ABTB1: variants seen among roughly 807,000 people sequenced by gnomAD.
ABTB1 encodes the protein ankyrin repeat and BTB domain containing 1, also known as ankyrin repeat and BTB/POZ domain-containing protein 1.
Under a neutral mutation model 57.1 loss-of-function variants are expected in ABTB1, and 45 were observed. The observed-to-expected ratio is 0.79, with a 90% CI of 0.62 to 1.01. ABTB1 has a LOEUF of 1.01. Ranked by LOEUF, ABTB1 falls within the 50% of genes least tolerant of loss-of-function variation. The pLI is 0.00. For missense variants in ABTB1, 630 were observed against 666.3 expected, an observed-to-expected ratio of 0.95 and a Z score of 0.60; for synonymous variants, 302 against 275.4, an observed-to-expected ratio of 1.10 and a Z score of -0.95.
rs1048240043 is a variant in ABTB1 at position 127,673,048 on chromosome 3, C to T, written c.23C>T (p.Ala8Val). 1 of 1,575,526 alleles carries T rather than the reference C, an allele frequency of 6.3e-7. No individual in the cohort carries two copies. The highest frequency in any genetic ancestry group is 8.6e-7 in the Non-Finnish European group (1 of 1,161,004). Residue 8 changes from alanine to valine, a missense_variant, in exon 1 of 12, where the codon GCC becomes GTC. By Grantham distance (64) the Ala-to-Val change is moderately conservative. Transcript: ENST00000232744. The stretch of plus-strand genomic sequence containing the variant: ...GCCATGGACACCAGCGACCTGTTCG[C>T]CAGCTGCAGGAAGGGGGATGTGGGC... MDTSDLF[A>V]SCRKGDVGRV...
rs1247035047 is a variant in ABTB1, at chr3:127,680,575, G to C, written c.*100G>C. On this transcript the variant is annotated 3_prime_UTR_variant, in exon 12 of 12. Coordinates refer to ENST00000232744, the MANE Select transcript of ABTB1 (RefSeq NM_172027.3). The stretch of plus-strand genomic sequence containing the variant: ...TTCTTCCTGCTCCCTGCACATTGAG[G>C]GCTTCATGGGGGGTGCGAGGGGCTC... 1 of 1,429,052 alleles carries C rather than the reference G, an allele frequency of 7.0e-7. No individual in the cohort carries two copies. Among genetic ancestry groups the C allele is most frequent in the South Asian group, 1.1e-5 (1 of 87,258 alleles). 88.5% of individuals were successfully genotyped at this position (1,429,052 alleles called of 1,614,324 possible).
chr3:127,679,736 G>T, intron 10 of ABTB1: 1 of 593,350 alleles, frequency 1.7e-6, no homozygotes, highest in Admixed American at 2.4e-5. Flanking sequence ...CCTCCCGCCT[G>T]CCCTGCCAGC....
chr3:127,679,751 T>C (rs2075079703), intron 10 of ABTB1: 1 of 599,448 alleles, frequency 1.7e-6, no homozygotes, highest in Non-Finnish European at 3.0e-6. Context: ...GCCAGCCTGC[T>C]CAGGGCATGG....
rs756391673 is a variant in ABTB1 at position 127,680,638 on chromosome 3, C to A, written c.*163C>A. On this transcript the variant is annotated 3_prime_UTR_variant, in exon 12 of 12. Transcript: ENST00000232744. ...CTTCCCTCCATGAGCCTGGAGACCCCAGGGGAGGATCCATTTGGGATGAGC... is the reference window on the plus strand; with the variant it reads ...CTTCCCTCCATGAGCCTGGAGACCCAAGGGGAGGATCCATTTGGGATGAGC... 15 of 919,366 alleles carry A rather than the reference C, an allele frequency of 1.6e-5. No homozygotes were observed. The African/African-American group carries it at 2.1e-4, about 13-fold the overall frequency. The allele number at this position is 919,366 out of a possible 1,614,324, so 57.0% of individuals were successfully genotyped here.
In ABTB1 at chr3:127,680,466, G is replaced by A. The variant is rs747394437; in HGVS notation, c.1428G>A (p.Leu476=). 6.2e-7 allele frequency: 1 copy of A among 1,600,808 alleles called. No homozygotes were observed. The highest frequency in any genetic ancestry group is 8.5e-7 in the Non-Finnish European group (1 of 1,177,186). ...AGGACCTGCTCGTGTCCATCGGTCTGGACTGTTGAGCCCCTGGCTGGGCAG... is the reference window on the plus strand; with the variant it reads ...AGGACCTGCTCGTGTCCATCGGTCTAGACTGTTGAGCCCCTGGCTGGGCAG... The part of the protein sequence containing the change: ...ALEDLLVSIG[L]DC The change falls in exon 12 of 12, where the codon CTG becomes CTA. Residue 476 remains leucine (L), a synonymous_variant. Coordinates refer to ENST00000232744, the MANE Select transcript of ABTB1 (RefSeq NM_172027.3).
In ABTB1 at chr3:127,673,100, C is replaced by G. The variant is rs757769848; in HGVS notation, c.56+19C>G. 1.3e-6 allele frequency: 2 copies of G among 1,538,274 alleles called. No homozygotes were observed. The highest frequency in any genetic ancestry group is 1.8e-6 in the Non-Finnish European group (2 of 1,142,254). ...GAGTGCGGTGAGGACCTCGCAGTCC[C>G]GGGGAGGGTGCGGGAGGTGGCCGCC... is the stretch of plus-strand genomic sequence containing the variant. On this transcript the variant is annotated intron_variant, in intron 1 of 11. Coordinates refer to ENST00000232744, the MANE Select transcript of ABTB1 (RefSeq NM_172027.3).
At position 127,677,011 on chromosome 3, in the gene ABTB1, C is replaced by T. The variant is rs1559887085; in HGVS notation, c.571C>T (p.Leu191=). The change falls in exon 7 of 12, where the codon CTG becomes TTG. Residue 191 remains leucine (L), a synonymous_variant. Transcript: ENST00000232744. ...AGAGCATGTGAGTGACTGTGAGCGCCTGGCCAAGCAATGCCAGCTGTGGGA... is the reference window on the plus strand; with the variant it reads ...AGAGCATGTGAGTGACTGTGAGCGCTTGGCCAAGCAATGCCAGCTGTGGGA... The part of the protein sequence containing the change: ...GVEHVSDCER[L]AKQCQLWDLL... 6.2e-7 allele frequency: 1 copy of T among 1,614,080 alleles called. No homozygotes were observed. The highest frequency in any genetic ancestry group is 2.2e-5 in the East Asian group (1 of 44,882).
At chr3:127,677,433 G>T in intron 8 of ABTB1, 32 bp from the exon 9 acceptor site, 1 of 1,610,866 alleles carries the variant, frequency 6.2e-7, no homozygotes, top group South Asian at 1.1e-5. Context: ...GTGAACAACT[G>T]CTCTGATGGG....
Position 127,672,968 on chromosome 3 carries a change from G to C in ABTB1, c.-58G>C. 6.6e-7 allele frequency: 1 copy of C among 1,508,830 alleles called. No individual in the cohort carries two copies. Among genetic ancestry groups the C allele is most frequent in the Non-Finnish European group, 8.9e-7 (1 of 1,123,918 alleles). 93.5% of individuals were successfully genotyped at this position (1,508,830 alleles called of 1,614,324 possible). A position where few individuals can be genotyped will look rare whatever the true frequency, so the allele number is the denominator to read the frequency against. Reference sequence around the variant, plus strand: ...GGCGGGGCTGAGCGTGTTTACATCCGCCGGGTGCGCGGCTTCGCCGCCCGA... The same window carrying C: ...GGCGGGGCTGAGCGTGTTTACATCCCCCGGGTGCGCGGCTTCGCCGCCCGA... On this transcript the variant is annotated 5_prime_UTR_variant, in exon 1 of 12. Transcript: ENST00000232744.
rs2074983528 is a variant in ABTB1, at chr3:127,676,363, G to A, written c.412G>A (p.Ala138Thr). 1.9e-6 allele frequency: 3 copies of A among 1,614,162 alleles called. No homozygotes were observed. The highest frequency in any genetic ancestry group is 2.2e-5 in the East Asian group (1 of 44,880). ...TCGCTGCGTCCTGGGTGCACGTAGT[G>A]CCTACTTTGCCAACATGCTGGACAC... Reference protein sequence around the residue: ...VHRCVLGARSAYFANMLDTKW... With the variant: ...VHRCVLGARSTYFANMLDTKW... Residue 138 changes from alanine (A) to threonine (T), a missense_variant, in exon 5 of 12, where the codon GCC (alanine) becomes ACC (threonine). Ala to Thr is a moderately conservative substitution (Grantham distance 58). This residue lies in a region of ABTB1 where 579 missense variants were observed against 585.9 expected (regional missense o/e 0.99). Coordinates refer to ENST00000232744, the MANE Select transcript of ABTB1 (RefSeq NM_172027.3). This position sits in a 1 kb window ranked among gnomAD's most constrained non-coding sequence, Gnocchi z 5.4.
At position 127,680,157 on chromosome 3, in the gene ABTB1, C is replaced by T; in HGVS notation, c.1202C>T (p.Thr401Ile). The change falls in exon 11 of 12, where the codon ACT becomes ATT. Residue 401 changes from threonine to isoleucine, a missense_variant. By Grantham distance (89) the Thr-to-Ile change is moderately conservative (BLOSUM62 -1). This residue lies in a region of ABTB1 where 579 missense variants were observed against 585.9 expected (regional missense o/e 0.99). Coordinates refer to ENST00000232744, the MANE Select transcript of ABTB1 (RefSeq NM_172027.3). The part of the protein sequence containing the change: ...FRLARLEDQC[T>I]EYMAKVIEKL... Reference sequence around the variant, plus strand: ...CTGGCGCGGCTTGAGGACCAGTGCACTGAGTACATGGCCAAGGTCATTGAG... The same window carrying T: ...CTGGCGCGGCTTGAGGACCAGTGCATTGAGTACATGGCCAAGGTCATTGAG... 6.2e-7 allele frequency: 1 copy of T among 1,613,954 alleles called. No homozygotes were observed. Among genetic ancestry groups the T allele is most frequent in the Non-Finnish European group, 8.5e-7 (1 of 1,180,030 alleles).
chr3:127,677,600 G>A (rs371056731), intron 9 of ABTB1, 37 bp downstream of exon 9: 33 of 1,613,226 alleles, frequency 2.0e-5, no homozygotes, highest in East Asian at 1.8e-4. Flanking sequence ...GCCCCAGCCC[G>A]TTGCCCTGAG....
rs2075092090 is a variant in ABTB1 at position 127,680,036 on chromosome 3, C to T, written c.1081C>T (p.Leu361=). Residue 361 remains leucine (L), a synonymous_variant, in exon 11 of 12, where the codon CTG becomes TTG. Coordinates refer to ENST00000232744, the MANE Select transcript of ABTB1 (RefSeq NM_172027.3). ...DVLSVADMYL[L]PGLKRLCGRS... ...GCTGAGCGTCGCCGACATGTACCTG[C>T]TGCCAGGCCTGAAGAGGCTGTGCGG... is the stretch of plus-strand genomic sequence containing the variant. 1 of 1,613,692 alleles carries T rather than the reference C, an allele frequency of 6.2e-7. No individual in the cohort carries two copies. Among genetic ancestry groups the T allele is most frequent in the African/African-American group, 1.3e-5 (1 of 74,956 alleles).
rs759031570 is a variant in ABTB1, at chr3:127,676,071, G to T, written c.277G>T (p.Ala93Ser). ...RALRDYKQVT[A>S]SCRRRDYYDD... ...TCTACGCGATTACAAGCAGGTCACG[G>T]CTTCCTGCAGGAGGCGGGATTACTA... Residue 93 changes from alanine (A) to serine (S), a missense_variant, in exon 4 of 12, where the codon GCT (alanine) becomes TCT (serine). This residue lies in a region of ABTB1 where 579 missense variants were observed against 585.9 expected (regional missense o/e 0.99). Transcript: ENST00000232744. This position sits in a 1 kb window ranked among gnomAD's most constrained non-coding sequence, Gnocchi z 5.4. 6.2e-7 allele frequency: 1 copy of T among 1,613,342 alleles called. No homozygotes were observed. The highest frequency in any genetic ancestry group is 1.7e-5 in the Admixed American group (1 of 60,020).
chr3:127,677,346 C>T (rs1453642304), intron 8 of ABTB1, 60 bp downstream of exon 8: 33 of 1,559,780 alleles, frequency 2.1e-5, no homozygotes, highest in Non-Finnish European at 2.9e-5. Context: ...TGACAGGCAG[C>T]CCAGATACTT....
rs772062098 is a variant in ABTB1 at position 127,680,656 on chromosome 3, G to C, written c.*181G>C. On this transcript the variant is annotated 3_prime_UTR_variant, in exon 12 of 12. Coordinates refer to ENST00000232744, the MANE Select transcript of ABTB1 (RefSeq NM_172027.3). ...GAGACCCCAGGGGAGGATCCATTTGGGATGAGCCCCCTCCCCCCAATGCAC... is the reference window on the plus strand; with the variant it reads ...GAGACCCCAGGGGAGGATCCATTTGCGATGAGCCCCCTCCCCCCAATGCAC... The C allele has an allele frequency of 1.2e-6, 1 of 818,250 alleles. No homozygotes were observed. Among genetic ancestry groups the C allele is most frequent in the Non-Finnish European group, 2.0e-6 (1 of 488,290 alleles). The allele number at this position is 818,250 out of a possible 1,614,324, so 50.7% of individuals were successfully genotyped here. A position where few individuals can be genotyped will look rare whatever the true frequency, so the allele number is the denominator to read the frequency against.
In ABTB1 at chr3:127,677,696, T is replaced by C. The variant is rs1282784436; in HGVS notation, c.882T>C (p.Ser294=). ...LCHKAFFCGR[S]DYFRALLDDH... ...CCCAGGCCTTTTTCTGTGGCCGCAG[T>C]GACTACTTCCGAGCCCTGCTGGATG... The change falls in exon 10 of 12, where the codon AGT becomes AGC. Residue 294 remains serine (S), a synonymous_variant. Transcript: ENST00000232744. The C allele has an allele frequency of 2.5e-6, 4 of 1,610,170 alleles. No individual in the cohort carries two copies. The highest frequency in any genetic ancestry group is 3.4e-6 in the Non-Finnish European group (4 of 1,178,244).
At chr3:127,679,556 T>C (rs1459932690) in intron 10 of ABTB1, 1 of 460,246 alleles carries the variant, frequency 2.2e-6, no homozygotes, top group African/African-American at 2.0e-5. Flanking sequence ...GCTGCCTCTG[T>C]CCCACCATTC....
chr3:127,680,715 A>G lies in ABTB1; in HGVS notation c.*240A>G. Reference sequence around the variant, plus strand: ...CCCCAAGACCCTGGGGGTGGACACCACTCAGGGAAACCTGGGGTGGGGGTG... The same window carrying G: ...CCCCAAGACCCTGGGGGTGGACACCGCTCAGGGAAACCTGGGGTGGGGGTG... On this transcript the variant is annotated 3_prime_UTR_variant, in exon 12 of 12. Transcript: ENST00000232744. 1.5e-6 allele frequency: 1 copy of G among 683,410 alleles called. No individual in the cohort carries two copies. The highest frequency in any genetic ancestry group is 2.4e-5 in the Admixed American group (1 of 42,374). 42.3% of individuals were successfully genotyped at this position (683,410 alleles called of 1,614,324 possible). A position where few individuals can be genotyped will look rare whatever the true frequency, so the allele number is the denominator to read the frequency against.
Sources: allele counts gnomAD v4.1 joint callset, GRCh38; gene constraint gnomAD v4.1.1; regional missense constraint gnomAD v4.1.1; non-coding constraint Gnocchi (gnomAD v3.1); transcripts MANE v1.5; gene names NCBI Gene and HGNC (gene_info 2026-07-23, HGNC 2026-07-21).